PAFAH1B1: variants seen among roughly 807,000 people sequenced by gnomAD.
PAFAH1B1 encodes platelet-activating factor acetylhydrolase IB subunit beta.
In PAFAH1B1, 2 loss-of-function variants were observed where a neutral mutation model predicts 57.5. The ratio of observed to expected loss-of-function variants is 0.03; its 90% confidence interval spans 0.01 to 0.11. PAFAH1B1 has a LOEUF of 0.11. Ranked by LOEUF, PAFAH1B1 falls within the 10% of genes least tolerant of loss-of-function variation. The probability of loss-of-function intolerance (pLI) is 1.00; values close to 1 mark genes in which losing one functional copy is unlikely to be tolerated. For missense variants in PAFAH1B1, 257 were observed against 512.0 expected, an observed-to-expected ratio of 0.50 and a Z score of 4.81; for synonymous variants, 152 against 169.6, an observed-to-expected ratio of 0.90 and a Z score of 0.81.
chr17:2,674,346 AACTTTGCTAATTCCCTGTT>A, intron 8 of PAFAH1B1, 58 bp downstream of exon 8: 3 of 1,303,484 alleles, frequency 2.3e-6, no homozygotes, highest in Non-Finnish European at 2.2e-6. Flanking sequence ...GTCCTTAGAT[AACTTTGCTAATTCCCTGTT>A]TCAGGGCTGT....
At chr17:2,606,225 A>G (rs1431626632) in intron 1 of PAFAH1B1, among the ~76,000 whole-genome samples, 3 of 152,194 alleles carry the variant, frequency 2.0e-5, no homozygotes, top group African/African-American at 4.8e-5. Flanking sequence ...TTCGACTCCA[A>G]AATTCTTCAC....
intron 1 of PAFAH1B1, among the ~76,000 whole-genome samples, chr17:2,598,106 G>A (rs768435369): frequency 1.3e-4 from 20 of 152,018 alleles, no homozygotes; most frequent in South Asian, 4.2e-4. Context: ...AAAATTAGCC[G>A]GGCATGGTGG....
chr17:2,603,641 G>A (rs2068170950), intron 1 of PAFAH1B1, among the ~76,000 whole-genome samples: 1 of 151,716 alleles, frequency 6.6e-6, no homozygotes, highest in Non-Finnish European at 1.5e-5. Flanking sequence ...AAAAAAGTAT[G>A]TATATATGTA....
chr17:2,684,410 C>A lies in PAFAH1B1; in HGVS notation c.*2608C>A, dbSNP rs746353611. On this transcript the variant is annotated 3_prime_UTR_variant, in exon 11 of 11. Transcript: ENST00000397195. ...ACTGGTTTGGATTGTAAGTAGAGGACTTTTATTAATTGGTTTAGAGGTTCA... is the reference window on the plus strand; with the variant it reads ...ACTGGTTTGGATTGTAAGTAGAGGAATTTTATTAATTGGTTTAGAGGTTCA... 4.6e-5 allele frequency: 7 copies of A among 152,574 alleles called. No homozygotes were observed. The highest frequency in any genetic ancestry group is 1.0e-4 in the Non-Finnish European group (7 of 68,046). 9.5% of individuals were successfully genotyped at this position (152,574 alleles called of 1,614,324 possible). A position where few individuals can be genotyped will look rare whatever the true frequency, so the allele number is the denominator to read the frequency against.
intron 1 of PAFAH1B1, among the ~76,000 whole-genome samples, chr17:2,620,227 T>A (rs2068401946): frequency 6.6e-6 from 1 of 152,218 alleles, no homozygotes; most frequent in Non-Finnish European, 1.5e-5. Flanking sequence ...GGTGAGTTGA[T>A]TGTCTAAGCC....
chr17:2,643,377 C>G (rs759465999), intron 2 of PAFAH1B1, among the ~76,000 whole-genome samples: 14 of 152,142 alleles, frequency 9.2e-5, no homozygotes, highest in East Asian at 5.8e-4. Flanking sequence ...CCTCTGCCCC[C>G]CTAATAGCTG....
chr17:2,619,761 T>C (rs1422813356), intron 1 of PAFAH1B1, among the ~76,000 whole-genome samples: 1 of 152,144 alleles, frequency 6.6e-6, no homozygotes, highest in Non-Finnish European at 1.5e-5. Context: ...GAAACTGGGG[T>C]TTAGGGAGAC....
At chr17:2,625,198 A>G (rs532801546) in intron 1 of PAFAH1B1, among the ~76,000 whole-genome samples, 1 of 152,316 alleles carries the variant, frequency 6.6e-6, no homozygotes, top group South Asian at 2.1e-4. Context: ...CTCTGTTTCT[A>G]GTGCTTAAGC....
chr17:2,646,988 C>T (rs1486239047), intron 2 of PAFAH1B1, among the ~76,000 whole-genome samples: 1 of 151,630 alleles, frequency 6.6e-6, no homozygotes, highest in African/African-American at 2.4e-5. Flanking sequence ...CCCCAGCACT[C>T]AGAGAGGCCG....
intron 2 of PAFAH1B1, chr17:2,640,048 A>G (rs2151635830): frequency 6.6e-6 from 1 of 152,160 alleles, no homozygotes; most frequent in Middle Eastern, 3.4e-3. Context: ...TATCATTTGC[A>G]CTCTGTGTGT....
intron 4 of PAFAH1B1, among the ~76,000 whole-genome samples, chr17:2,666,560 G>A (rs2069108444): frequency 6.6e-6 from 1 of 152,086 alleles, no homozygotes; most frequent in South Asian, 2.1e-4. Flanking sequence ...AAAGCTCTTA[G>A]AAAAATGCTT....
At chr17:2,603,204 G>T (rs2068165764) in intron 1 of PAFAH1B1, among the ~76,000 whole-genome samples, 2 of 152,118 alleles carry the variant, frequency 1.3e-5, no homozygotes, top group Admixed American at 1.3e-4. Context: ...CTGTTGCCCA[G>T]GCTGGAGTGC....
intron 1 of PAFAH1B1, among the ~76,000 whole-genome samples, chr17:2,609,221 G>A (rs1455268112): frequency 6.6e-6 from 1 of 152,090 alleles, no homozygotes; most frequent in Non-Finnish European, 1.5e-5. Flanking sequence ...TGGTGCTGGG[G>A]CTGGTCTCAG....
chr17:2,663,044 CAG>C (rs1304116805), intron 2 of PAFAH1B1, among the ~76,000 whole-genome samples: 29 of 152,228 alleles, frequency 1.9e-4, no homozygotes, highest in South Asian at 1.9e-3. Context: ...ACCTGGGAGA[CAG>C]AGGTTGTGGT....
intron 1 of PAFAH1B1, among the ~76,000 whole-genome samples, chr17:2,636,351 T>C (rs764596562): frequency 2.4e-4 from 36 of 152,338 alleles, no homozygotes; most frequent in Non-Finnish European, 1.5e-4. Context: ...TTCCTGCTTA[T>C]ATTTACTAGA....
chr17:2,652,652 C>T (rs533914590), intron 2 of PAFAH1B1, among the ~76,000 whole-genome samples: 58 of 152,288 alleles, frequency 3.8e-4, no homozygotes, highest in African/African-American at 1.2e-3. Flanking sequence ...CACCTGCCCG[C>T]GCACTTCACG....
intron 1 of PAFAH1B1, among the ~76,000 whole-genome samples, chr17:2,636,613 G>T (rs2068627656): frequency 6.6e-6 from 1 of 152,106 alleles, no homozygotes; most frequent in Admixed American, 6.5e-5. Context: ...TGGCCAGGCT[G>T]GTCGCAAACT....
intron 9 of PAFAH1B1, chr17:2,679,956 T>C: frequency 1.7e-6 from 1 of 574,754 alleles, no homozygotes; most frequent in Admixed American, 3.2e-5. Context: ...TTTTTAACCC[T>C]CATCCAGGAC....
intron 1 of PAFAH1B1, among the ~76,000 whole-genome samples, chr17:2,594,569 G>A (rs1482035555): frequency 6.6e-6 from 1 of 152,184 alleles, no homozygotes; most frequent in Non-Finnish European, 1.5e-5. Flanking sequence ...CCTTAAGATG[G>A]GGTTGACCAG....
Sources: allele counts gnomAD v4.1 joint callset (sites outside exome capture counted in the v4.1 genomes callset), GRCh38; gene constraint gnomAD v4.1.1; transcripts MANE v1.5; gene names NCBI Gene and HGNC (gene_info 2026-07-23, HGNC 2026-07-21).